Variants in KAZN observed in about 807,000 individuals in gnomAD.
The protein encoded by KAZN is kazrin, periplakin interacting protein.
Under a neutral mutation model 87.4 loss-of-function variants are expected in KAZN, and 40 were observed. That is an observed-to-expected ratio of 0.46 (90% CI 0.36 to 0.60). The LOEUF (loss-of-function observed/expected upper bound fraction) is 0.60. Among genes scored for constraint, KAZN ranks in the 20% least tolerant of loss-of-function variants. The probability of loss-of-function intolerance (pLI) is 0.00; values close to 1 mark genes in which losing one functional copy is unlikely to be tolerated. For synonymous variants in KAZN, 466 were observed against 458.3 expected (o/e 1.02, Z -0.22); for missense variants, 898 against 1,073.9 (o/e 0.84, Z 2.29).
intron 2 of KAZN, among the ~76,000 whole-genome samples, chr1:14,402,880 TGCAGTG>T (rs1338691819): frequency 6.6e-6 from 1 of 151,830 alleles, no homozygotes; most frequent in African/African-American, 2.4e-5. Context: ...TAGGCTGGAG[TGCAGTG>T]GCACAATCTT....
At chr1:14,143,396 C>T (rs141262990) in intron 1 of KAZN, among the ~76,000 whole-genome samples, 2 of 152,142 alleles carry the variant, frequency 1.3e-5, no homozygotes, top group African/African-American at 4.8e-5. Context: ...GTGTATGTAC[C>T]GCCCTATTTC....
At chr1:14,044,170 C>A (rs1641959302) in intron 1 of KAZN, among the ~76,000 whole-genome samples, 1 of 152,122 alleles carries the variant, frequency 6.6e-6, no homozygotes, top group African/African-American at 2.4e-5. Flanking sequence ...AACCTGCTTG[C>A]CTAATCACCC....
intron 1 of KAZN, among the ~76,000 whole-genome samples, chr1:14,150,325 T>A (rs778648572): frequency 1.3e-5 from 2 of 152,186 alleles, no homozygotes; most frequent in Non-Finnish European, 2.9e-5. Flanking sequence ...CAGCCTGAAA[T>A]CTTTGCTTCT....
At chr1:14,358,336 GTCTA>G (rs1478488085) in intron 2 of KAZN, among the ~76,000 whole-genome samples, 11 of 147,072 alleles carry the variant, frequency 7.5e-5, no homozygotes, top group Non-Finnish European at 1.0e-4. Context: ...CTGGCTAGAG[GTCTA>G]TCTATTTTGT....
intron 2 of KAZN, among the ~76,000 whole-genome samples, chr1:14,376,336 A>G (rs189319132): frequency 1.0e-3 from 158 of 152,258 alleles, no homozygotes; most frequent in African/African-American, 3.7e-3. Flanking sequence ...TGGGACCATT[A>G]GGAGGTAACT....
chr1:14,255,590 C>T (rs1042346780), intron 2 of KAZN, among the ~76,000 whole-genome samples: 3 of 152,154 alleles, frequency 2.0e-5, no homozygotes, highest in African/African-American at 7.2e-5. Context: ...ATGTTCCATC[C>T]ATCTACTGGT....
At chr1:14,793,537 T>C (rs191088491) in intron 1 of KAZN, among the ~76,000 whole-genome samples, 58 of 152,282 alleles carry the variant, frequency 3.8e-4, no homozygotes, top group African/African-American at 1.3e-3. Flanking sequence ...AGCTATAAAA[T>C]GGGAATGGGC....
intron 2 of KAZN, among the ~76,000 whole-genome samples, chr1:14,413,730 A>C (rs1664511847): frequency 6.6e-6 from 1 of 152,160 alleles, no homozygotes; most frequent in South Asian, 2.1e-4. Flanking sequence ...CATTAAAATT[A>C]AAATCATCTA....
chr1:14,199,734 G>C (rs1351811136), intron 2 of KAZN, among the ~76,000 whole-genome samples: 1 of 152,208 alleles, frequency 6.6e-6, no homozygotes, highest in Non-Finnish European at 1.5e-5. Flanking sequence ...GTTACCAAGA[G>C]AGCTTGCAGC....
At chr1:15,063,504 G>T (rs933273678) in intron 6 of KAZN, 68 bp from the exon 7 acceptor site, 4 of 1,393,474 alleles carry the variant, frequency 2.9e-6, no homozygotes, top group Non-Finnish European at 4.1e-6. Context: ...CACACCGCAC[G>T]GGCCGCCTCT....
rs1640516009 is a variant in KAZN, at chr1:15,091,153, C to T, written c.1223-3027C>T. ...ATTCACACACACACTCGCACAATTA[C>T]CTATCACTTCTTTTCCAGAGACAGA... is the stretch of plus-strand genomic sequence containing the variant. On this transcript the variant is annotated intron_variant, in intron 8 of 14. Transcript: ENST00000376030. 1.3e-5 allele frequency among the ~76,000 whole-genome samples: 2 copies of T among 152,078 alleles called. 1 individual carries two copies. The highest frequency in any genetic ancestry group is 1.3e-4 in the Admixed American group (2 of 15,260).
At chr1:14,843,921 G>T (rs1337549016) in intron 1 of KAZN, among the ~76,000 whole-genome samples, 5 of 152,168 alleles carry the variant, frequency 3.3e-5, no homozygotes, top group Non-Finnish European at 7.3e-5. Flanking sequence ...AAGACACACT[G>T]AATCTTGCAA....
intron 3 of KAZN, among the ~76,000 whole-genome samples, chr1:15,042,298 C>T (rs1673003782): frequency 6.6e-6 from 1 of 152,216 alleles, no homozygotes; most frequent in East Asian, 1.9e-4. Context: ...CAGAATTTTT[C>T]ACTATAAGCT....
rs1380851217 is a variant in KAZN at position 14,292,119 on chromosome 1, A to G, written c.249+111527A>G. 9.2e-5 allele frequency among the ~76,000 whole-genome samples: 14 copies of G among 152,308 alleles called. No homozygotes were observed. In the East Asian group the frequency reaches 2.1e-3, roughly 23 times the overall value. On this transcript the variant is annotated intron_variant, in intron 2 of 16. Coordinates refer to the KAZN transcript ENST00000636203. ...TAGGGGCAACATTAAGTGATGACTT[A>G]TAGTATGTTGTATGTATGCTCTGTG... is the stretch of plus-strand genomic sequence containing the variant.
At chr1:14,950,459 G>A (rs1662345972) in intron 1 of KAZN, among the ~76,000 whole-genome samples, 1 of 152,118 alleles carries the variant, frequency 6.6e-6, no homozygotes, top group Admixed American at 6.5e-5. Flanking sequence ...CCCCACAGAG[G>A]GAGTGACGCC....
chr1:14,822,051 T>G (rs1055293710), intron 1 of KAZN, among the ~76,000 whole-genome samples: 4 of 152,184 alleles, frequency 2.6e-5, no homozygotes, highest in East Asian at 1.9e-4. Context: ...TTGTTTGTTT[T>G]TTTGGATTAA....
At chr1:14,934,979 C>T (rs1660283926) in intron 1 of KAZN, among the ~76,000 whole-genome samples, 1 of 152,240 alleles carries the variant, frequency 6.6e-6, no homozygotes, top group African/African-American at 2.4e-5. Context: ...CGCCGGGGGC[C>T]TCTGTGGCAT....
At chr1:14,467,272 G>A (rs990411541) in intron 2 of KAZN, among the ~76,000 whole-genome samples, 7 of 151,314 alleles carry the variant, frequency 4.6e-5, no homozygotes, top group African/African-American at 1.7e-4. Context: ...ATTGTTTTAA[G>A]TTAAGATGCT....
In KAZN at chr1:14,480,675, CTATA is replaced by C. The variant is rs1042312338; in HGVS notation, c.250-118303_250-118300del. ...ATAATATTTATTTATAATATATAAA[CTATA>C]TATAATATATAAAATATATATTTTT... On this transcript the variant is annotated intron_variant, in intron 2 of 16. Coordinates refer to the KAZN transcript ENST00000636203. Among the ~76,000 whole-genome samples the C allele has an allele frequency of 5.7e-5, 8 of 140,160 alleles. No individual in the cohort carries two copies. The South Asian group carries it at 1.3e-3, about 23-fold the overall frequency. The allele number at this position is 140,160 out of a possible 152,430, so 92.0% of individuals were successfully genotyped here. A position where few individuals can be genotyped will look rare whatever the true frequency, so the allele number is the denominator to read the frequency against.
Sources: allele counts gnomAD v4.1 joint callset (sites outside exome capture counted in the v4.1 genomes callset), GRCh38; gene constraint gnomAD v4.1.1; transcripts MANE v1.5; gene names NCBI Gene and HGNC (gene_info 2026-07-23, HGNC 2026-07-21).